The following SHQ1 variants were observed in gnomAD, a reference collection of about 807,000 sequenced individuals.
SHQ1 encodes protein SHQ1 homolog.
SHQ1 carries 49 observed loss-of-function variants against 53.8 expected under a neutral mutation model. That is an observed-to-expected ratio of 0.91 (90% CI 0.72 to 1.16). The LOEUF is 1.16. Ranked by LOEUF, SHQ1 falls within the 50% of genes most tolerant of loss-of-function variation. The pLI is 0.00. For synonymous variants in SHQ1, 243 were observed against 251.0 expected, an observed-to-expected ratio of 0.97 and a Z score of 0.30; for missense variants, 738 against 683.1, an observed-to-expected ratio of 1.08 and a Z score of -0.90.
chr3:72,815,085 C>T (rs2106867903), intron 8 of SHQ1, among the ~76,000 whole-genome samples: 1 of 152,248 alleles, frequency 6.6e-6, no homozygotes, highest in African/African-American at 2.4e-5. Flanking sequence ...CTTACAAACA[C>T]ACCTCTCACT....
At chr3:72,836,483 C>A (rs983582679) in intron 4 of SHQ1, among the ~76,000 whole-genome samples, 4 of 151,066 alleles carry the variant, frequency 2.6e-5, no homozygotes, top group African/African-American at 9.8e-5. Context: ...AGCAAGACTC[C>A]GTCTCAAAAA....
chr3:72,755,825 C>G (rs1216833035), intron 10 of SHQ1, among the ~76,000 whole-genome samples: 1 of 152,172 alleles, frequency 6.6e-6, no homozygotes, highest in East Asian at 1.9e-4. Context: ...TCAAAACTGA[C>G]TAGGCTAGTT....
chr3:72,810,408 GCT>G (rs1372015470), intron 9 of SHQ1, among the ~76,000 whole-genome samples: 1 of 152,160 alleles, frequency 6.6e-6, no homozygotes, highest in East Asian at 1.9e-4. Flanking sequence ...CAAATTCCTG[GCT>G]CTTTGAAAAC....
Position 72,846,374 on chromosome 3 carries a change from A to G in SHQ1, c.143+1824T>C. On this transcript the variant is annotated intron_variant, in intron 1 of 10. Coordinates refer to ENST00000325599, the MANE Select transcript of SHQ1 (RefSeq NM_018130.3). ...CGATAGCGCAATCTTGGCTCACTGC[A>G]ACCTTCGCCCCCCAGGTTCAAGCGA... 3.5e-6 allele frequency: 5 copies of G among 1,425,798 alleles called. 1 individual carries two copies. In the South Asian group the frequency reaches 6.5e-5, roughly 19 times the overall value. The allele number at this position is 1,425,798 out of a possible 1,614,324, so 88.3% of individuals were successfully genotyped here. A position where few individuals can be genotyped will look rare whatever the true frequency, so the allele number is the denominator to read the frequency against.
At chr3:72,729,854 G>T in the SHQ1 span, among the ~76,000 whole-genome samples, 2 of 152,126 alleles carry the variant, frequency 1.3e-5, no homozygotes, top group African/African-American at 4.8e-5. Context: ...GAGTCTCACT[G>T]TCGCCCAGGC....
At chr3:72,774,161 C>T (rs1705909248) in intron 10 of SHQ1, among the ~76,000 whole-genome samples, 1 of 152,122 alleles carries the variant, frequency 6.6e-6, no homozygotes, top group African/African-American at 2.4e-5. Context: ...AAACTAATAA[C>T]ACCAAATAAC....
chr3:72,762,803 T>A (rs1219393953), intron 10 of SHQ1, among the ~76,000 whole-genome samples: 1 of 151,964 alleles, frequency 6.6e-6, no homozygotes, highest in African/African-American at 2.4e-5. Context: ...GCCTCCCGAA[T>A]AATGGGGATT....
At chr3:72,775,622 A>T (rs1190072196) in intron 10 of SHQ1, among the ~76,000 whole-genome samples, 4 of 152,184 alleles carry the variant, frequency 2.6e-5, no homozygotes, top group African/African-American at 9.7e-5. Flanking sequence ...CTCTTCCCAT[A>T]CATACCCTCT....
the SHQ1 span, among the ~76,000 whole-genome samples, chr3:72,726,821 A>T: frequency 1.9e-3 from 290 of 152,292 alleles, 2 homozygotes; most frequent in African/African-American, 6.5e-3. Flanking sequence ...CGGCCCCCTG[A>T]GAGCATCCCT....
intron 10 of SHQ1, among the ~76,000 whole-genome samples, chr3:72,752,236 G>C (rs907730200): frequency 6.6e-6 from 1 of 152,050 alleles, no homozygotes; most frequent in African/African-American, 2.4e-5. Context: ...TATATAAAAA[G>C]GGAAAATAAC....
chr3:72,728,088 A>G, the SHQ1 span, among the ~76,000 whole-genome samples: 3 of 152,276 alleles, frequency 2.0e-5, no homozygotes, highest in South Asian at 4.1e-4. Flanking sequence ...CCACGATGGC[A>G]ACACACGGTG....
chr3:72,830,221 CT>C (rs1707785275), intron 5 of SHQ1, among the ~76,000 whole-genome samples: 1 of 151,646 alleles, frequency 6.6e-6, no homozygotes, highest in Admixed American at 6.6e-5. Flanking sequence ...ATAAATTTTT[CT>C]TTACAATCAA....
At chr3:72,792,795 A>C (rs1575697038) in intron 10 of SHQ1, 121 bp downstream of exon 10, 5 of 694,950 alleles carry the variant, frequency 7.2e-6, no homozygotes, top group East Asian at 3.4e-5. Flanking sequence ...AAAAAAAAAA[A>C]AAAAAAAAAA....
intron 1 of SHQ1, among the ~76,000 whole-genome samples, chr3:72,845,197 T>G (rs1484173130): frequency 6.6e-6 from 1 of 152,192 alleles, no homozygotes; most frequent in Admixed American, 6.5e-5. Flanking sequence ...AGAAATGAAG[T>G]GATTGGCTGG....
chr3:72,803,709 C>T (rs904719982), intron 9 of SHQ1, among the ~76,000 whole-genome samples: 1 of 152,036 alleles, frequency 6.6e-6, no homozygotes, highest in Non-Finnish European at 1.5e-5. Flanking sequence ...GTCATCTTAC[C>T]GCAAAAGCAG....
chr3:72,777,644 C>A (rs1705985439), intron 10 of SHQ1, among the ~76,000 whole-genome samples: 1 of 152,210 alleles, frequency 6.6e-6, no homozygotes, highest in Admixed American at 6.5e-5. Context: ...AACAGTTTGA[C>A]ACTGCCCATT....
chr3:72,781,121 G>A (rs377168019), intron 10 of SHQ1, among the ~76,000 whole-genome samples: 6 of 147,492 alleles, frequency 4.1e-5, no homozygotes, highest in African/African-American at 2.5e-5. Flanking sequence ...GTGCAGTGAC[G>A]CAATCTTGGC....
rs116491890 is a variant in SHQ1, at chr3:72,819,169, T to C, written c.728-1785A>G. Among the ~76,000 whole-genome samples, 691 of 152,324 alleles carry C rather than the reference T, an allele frequency of 4.5e-3. 6 individuals carry two copies. Among genetic ancestry groups the C allele is most frequent in the African/African-American group, 0.015 (632 of 41,578 alleles). Reference sequence around the variant, plus strand: ...AGAAAACTAAAACAGTGACTTATCATTGTTATTTCACTTAGTATTTCTCCA... The same window carrying C: ...AGAAAACTAAAACAGTGACTTATCACTGTTATTTCACTTAGTATTTCTCCA... On this transcript the variant is annotated intron_variant, in intron 6 of 10. Coordinates refer to ENST00000325599, the MANE Select transcript of SHQ1 (RefSeq NM_018130.3).
intron 9 of SHQ1, among the ~76,000 whole-genome samples, chr3:72,800,814 C>T (rs563864595): frequency 6.6e-6 from 1 of 152,236 alleles, no homozygotes; most frequent in South Asian, 2.1e-4. Context: ...TTTACTCCTT[C>T]CCTAATTATA....
Sources: gnomAD v4.1 joint callset for allele counts (sites outside exome capture counted in the v4.1 genomes callset) on GRCh38, gnomAD v4.1.1 for gene constraint, MANE v1.5 for transcripts, NCBI Gene and HGNC (gene_info 2026-07-23, HGNC 2026-07-21) for gene names.